The following SPAG16 variants were observed in gnomAD, a reference collection of about 807,000 sequenced individuals.
The protein encoded by SPAG16 is sperm-associated antigen 16 protein.
SPAG16 carries 86 observed loss-of-function variants against 80.4 expected under a neutral mutation model. The observed-to-expected ratio is 1.07, with a 90% CI of 0.90 to 1.28. The LOEUF is 1.28. Ranked by LOEUF, SPAG16 falls within the 50% of genes most tolerant of loss-of-function variation. SPAG16 has a pLI of 0.00. For synonymous variants in SPAG16, 294 were observed against 265.9 expected (o/e 1.11, Z -1.03); for missense variants, 870 against 765.3 (o/e 1.14, Z -1.61).
chr2:213,448,068 G>C lies in SPAG16; in HGVS notation c.943-41895G>C, dbSNP rs527420166. On this transcript the variant is annotated intron_variant, in intron 9 of 15. Transcript: ENST00000331683. ...CAAATGGCTTATTTTGTTAATGATT[G>C]CCAGGCCAATTCCACCCAAATGTGG... 9.8e-5 allele frequency among the ~76,000 whole-genome samples: 15 copies of C among 152,316 alleles called. No individual in the cohort carries two copies. In the South Asian group the frequency reaches 3.1e-3, roughly 32 times the overall value.
chr2:214,103,361 AT>A (rs1187488784), intron 13 of SPAG16, among the ~76,000 whole-genome samples: 2 of 152,178 alleles, frequency 1.3e-5, no homozygotes, highest in African/African-American at 2.4e-5. Context: ...TAGCACCTGC[AT>A]TTCACTGAGC....
At chr2:213,753,790 G>T (rs959064841) in intron 10 of SPAG16, among the ~76,000 whole-genome samples, 1 of 152,188 alleles carries the variant, frequency 6.6e-6, no homozygotes, top group Admixed American at 6.5e-5. Context: ...AATTGTAGAT[G>T]GCATGAATGA....
chr2:213,884,453 A>G (rs10185070), intron 11 of SPAG16, among the ~76,000 whole-genome samples: 90,378 of 151,968 alleles, frequency 0.59, 28,761 homozygotes, highest in South Asian at 0.85. Context: ...ATTGACCTTG[A>G]TGAACCTGAT....
At chr2:214,294,174 A>T (rs1159849283) in intron 15 of SPAG16, among the ~76,000 whole-genome samples, 1 of 152,168 alleles carries the variant, frequency 6.6e-6, no homozygotes, top group East Asian at 1.9e-4. Context: ...CCTCTGCGCA[A>T]TCTGTAGGCA....
At chr2:213,318,374 C>T (rs10210603) in intron 5 of SPAG16, among the ~76,000 whole-genome samples, 1 of 151,880 alleles carries the variant, frequency 6.6e-6, no homozygotes, top group Admixed American at 6.6e-5. Context: ...ACTCGAGGCC[C>T]TCACCCTTAG....
intron 15 of SPAG16, among the ~76,000 whole-genome samples, chr2:214,349,129 C>T (rs918390410): frequency 1.3e-5 from 2 of 152,122 alleles, no homozygotes; most frequent in African/African-American, 4.8e-5. Context: ...TGCATGGCAC[C>T]TACCTGCAGG....
intron 10 of SPAG16, among the ~76,000 whole-genome samples, chr2:213,612,550 A>G (rs185011286): frequency 1.6e-4 from 24 of 152,228 alleles, no homozygotes; most frequent in African/African-American, 5.5e-4. Context: ...GTAAATGACA[A>G]CTCCATTTTC....
intron 15 of SPAG16, among the ~76,000 whole-genome samples, chr2:214,173,052 G>A (rs1161603960): frequency 6.6e-6 from 1 of 151,370 alleles, no homozygotes; most frequent in East Asian, 1.9e-4. Flanking sequence ...TAGGTTGCCT[G>A]TTCACTCTGA....
chr2:214,229,516 ATATG>A (rs1458296739), intron 15 of SPAG16, among the ~76,000 whole-genome samples: 57 of 151,852 alleles, frequency 3.8e-4, no homozygotes, highest in Non-Finnish European at 1.2e-4. Context: ...GTGTGTATAT[ATATG>A]TGTGTGTGTA....
chr2:213,818,141 C>T (rs2072681168), intron 10 of SPAG16, among the ~76,000 whole-genome samples: 1 of 152,048 alleles, frequency 6.6e-6, no homozygotes, highest in South Asian at 2.1e-4. Context: ...TTAAAGATCC[C>T]CTCCATAGGA....
chr2:213,540,060 A>T (rs2076385908), intron 10 of SPAG16, among the ~76,000 whole-genome samples: 1 of 117,124 alleles, frequency 8.5e-6, no homozygotes, highest in Non-Finnish European at 1.7e-5. Flanking sequence ...TTTGAGACGG[A>T]GTCTCGCTCT....
At chr2:214,250,450 TAATA>T (rs1486141420) in intron 15 of SPAG16, among the ~76,000 whole-genome samples, 1 of 151,188 alleles carries the variant, frequency 6.6e-6, no homozygotes, top group African/African-American at 2.4e-5. Context: ...ACAAATTCTC[TAATA>T]ATTATTCAGT....
At chr2:213,521,923 A>G (rs918803401) in intron 10 of SPAG16, among the ~76,000 whole-genome samples, 7 of 152,248 alleles carry the variant, frequency 4.6e-5, no homozygotes, top group Non-Finnish European at 7.3e-5. Flanking sequence ...GTCAACATCA[A>G]TGAAGCATAG....
intron 10 of SPAG16, among the ~76,000 whole-genome samples, chr2:213,501,600 T>C (rs918219081): frequency 7.2e-5 from 11 of 152,334 alleles, no homozygotes; most frequent in African/African-American, 2.6e-4. Context: ...TTAAACAGAA[T>C]GATTGGGAAA....
intron 15 of SPAG16, among the ~76,000 whole-genome samples, chr2:214,196,693 A>G (rs1336450539): frequency 4.6e-5 from 7 of 152,080 alleles, no homozygotes; most frequent in African/African-American, 7.2e-5. Context: ...TTGAATTTTA[A>G]AACATGCATC....
intron 13 of SPAG16, among the ~76,000 whole-genome samples, chr2:214,018,337 C>T (rs973659530): frequency 6.6e-6 from 1 of 151,984 alleles, no homozygotes; most frequent in African/African-American, 2.4e-5. Context: ...TTTTAAAAGA[C>T]AAAGACACGT....
At chr2:213,418,155 G>A (rs2069374967) in intron 9 of SPAG16, among the ~76,000 whole-genome samples, 1 of 152,144 alleles carries the variant, frequency 6.6e-6, no homozygotes, top group Non-Finnish European at 1.5e-5. Flanking sequence ...TTACAGGCAT[G>A]AGCCATGTGC....
intron 15 of SPAG16, among the ~76,000 whole-genome samples, chr2:214,212,321 A>G (rs1001616255): frequency 7.9e-5 from 12 of 151,914 alleles, no homozygotes; most frequent in African/African-American, 2.4e-4. Context: ...ATTTCTTTCA[A>G]GTTTTACTCA....
intron 3 of SPAG16, among the ~76,000 whole-genome samples, chr2:213,299,499 C>T (rs1161186467): frequency 2.0e-5 from 3 of 151,310 alleles, no homozygotes; most frequent in Non-Finnish European, 4.4e-5. Context: ...AGGTTGGTCT[C>T]GATCTCCTGA....
Sources: gnomAD v4.1 joint callset for allele counts (sites outside exome capture counted in the v4.1 genomes callset) on GRCh38, gnomAD v4.1.1 for gene constraint, MANE v1.5 for transcripts, NCBI Gene and HGNC (gene_info 2026-07-23, HGNC 2026-07-21) for gene names.